KIDINS220: variants seen among roughly 807,000 people sequenced by gnomAD.
The protein encoded by KIDINS220 is kinase D-interacting substrate of 220 kDa.
In KIDINS220, 63 loss-of-function variants were observed where a neutral mutation model predicts 157.6. The observed-to-expected ratio is 0.40, with a 90% CI of 0.33 to 0.49. The LOEUF (loss-of-function observed/expected upper bound fraction) is 0.49, where lower values mean the gene tolerates loss of function less well. KIDINS220 is among the 20% of genes least tolerant of loss of function. KIDINS220 has a pLI of 0.66. For missense variants in KIDINS220, 1,772 were observed against 2,171.2 expected (o/e 0.82, Z 3.65); for synonymous variants, 732 against 783.6 (o/e 0.93, Z 1.10).
chr2:8,812,175 G>C (rs960898425), intron 6 of KIDINS220, among the ~76,000 whole-genome samples: 2 of 152,024 alleles, frequency 1.3e-5, no homozygotes, highest in Middle Eastern at 3.2e-3. Flanking sequence ...AGTTTTCTTG[G>C]GAATGATGAA....
chr2:8,739,944 C>T (rs1665402489), intron 26 of KIDINS220, among the ~76,000 whole-genome samples: 1 of 152,218 alleles, frequency 6.6e-6, no homozygotes, highest in Non-Finnish European at 1.5e-5. Context: ...TAGAACTACA[C>T]TCTGACACAT....
intron 20 of KIDINS220, among the ~76,000 whole-genome samples, chr2:8,778,040 A>G (rs1225720313): frequency 6.6e-6 from 1 of 152,240 alleles, no homozygotes; most frequent in Non-Finnish European, 1.5e-5. Flanking sequence ...TGTGAGTGGC[A>G]CTGTCACAAC....
intron 4 of KIDINS220, among the ~76,000 whole-genome samples, chr2:8,816,523 G>A (rs1267981619): frequency 6.6e-6 from 1 of 152,188 alleles, no homozygotes; most frequent in Non-Finnish European, 1.5e-5. Flanking sequence ...GTACCTATTG[G>A]TATGGTACCT....
chr2:8,746,577 G>C (rs1024518870), intron 26 of KIDINS220: 1 of 151,068 alleles, frequency 6.6e-6, no homozygotes, highest in Non-Finnish European at 1.5e-5. Context: ...TGTTTATCTG[G>C]AAAATTTATT....
intron 26 of KIDINS220, among the ~76,000 whole-genome samples, chr2:8,743,661 A>G (rs1434475232): frequency 6.6e-6 from 1 of 152,216 alleles, no homozygotes; most frequent in Non-Finnish European, 1.5e-5. Flanking sequence ...CCTGCATTCT[A>G]GTTCCAAATC....
chr2:8,772,437 C>T (rs1478684460), intron 21 of KIDINS220, among the ~76,000 whole-genome samples: 7 of 151,970 alleles, frequency 4.6e-5, no homozygotes, highest in Non-Finnish European at 1.0e-4. Context: ...GATCACACCA[C>T]CGCACTCCAG....
At chr2:8,830,585 A>T (rs2148450101) in intron 1 of KIDINS220, among the ~76,000 whole-genome samples, 1 of 152,130 alleles carries the variant, frequency 6.6e-6, no homozygotes, top group East Asian at 1.9e-4. Context: ...TGCCCAGCTA[A>T]TTTTTCTATT....
In KIDINS220 at chr2:8,733,586, G is replaced by C. The variant is rs1285002827; in HGVS notation, c.3911C>G (p.Pro1304Arg). Residue 1304 changes from proline (P) to arginine (R), a missense_variant, in exon 29 of 30, where the codon CCT becomes CGT. Around this residue, in one of 3 missense-constraint regions of KIDINS220, gnomAD observed 793 missense variants for 885.5 expected, o/e 0.90. Coordinates refer to ENST00000256707, the MANE Select transcript of KIDINS220 (RefSeq NM_020738.4). ...SSSGPAPHGE[P>R]ARRASHNELP... ...CTCGTTGTGGGAAGCGCGGCGAGCAGGCTCACCGTGCGGGGCTGGGCCACT... is the reference window on the plus strand; with the variant it reads ...CTCGTTGTGGGAAGCGCGGCGAGCACGCTCACCGTGCGGGGCTGGGCCACT... The C allele has an allele frequency of 6.2e-7, 1 of 1,614,120 alleles. No individual in the cohort carries two copies. Among genetic ancestry groups the C allele is most frequent in the Non-Finnish European group, 8.5e-7 (1 of 1,180,022 alleles).
Position 8,750,314 on chromosome 2 carries a change from T to G in KIDINS220, c.3212A>C (p.Gln1071Pro). 1 of 1,592,482 alleles carries G rather than the reference T, an allele frequency of 6.3e-7. No homozygotes were observed. The highest frequency in any genetic ancestry group is 8.6e-7 in the Non-Finnish European group (1 of 1,166,968). Residue 1071 changes from glutamine (Q) to proline (P), a missense_variant, in exon 24 of 30, where the codon CAG (glutamine) becomes CCG (proline). Around this residue, in one of 3 missense-constraint regions of KIDINS220, gnomAD observed 793 missense variants for 885.5 expected, o/e 0.90. Transcript: ENST00000256707. ...IIADVRAAREQISIGGLAYPP... is the reference protein window; with the variant it reads ...IIADVRAAREPISIGGLAYPP... ...GTACGCCAGTCCTCCAATACTGATC[T>G]GCTCTCTGGCAGCACGAACATCTGA...
At chr2:8,773,098 G>A (rs1670452931) in intron 21 of KIDINS220, among the ~76,000 whole-genome samples, 1 of 152,132 alleles carries the variant, frequency 6.6e-6, no homozygotes, top group African/African-American at 2.4e-5. Flanking sequence ...AGCACTTTTA[G>A]GCAATGAAAC....
At position 8,742,787 on chromosome 2, in the gene KIDINS220, G is replaced by A. The variant is rs758275431; in HGVS notation, c.3585+4358C>T. Among the ~76,000 whole-genome samples, 59 of 152,220 alleles carry A rather than the reference G, an allele frequency of 3.9e-4. 1 individual carries two copies. Among genetic ancestry groups the A allele is most frequent in the South Asian group, 8.3e-4 (4 of 4,824 alleles). Reference sequence around the variant, plus strand: ...CACTGCTGTGTCCCACTAGAATAGCGCCTCTTACACTCAATAAATATTCGT... The same window carrying A: ...CACTGCTGTGTCCCACTAGAATAGCACCTCTTACACTCAATAAATATTCGT... On this transcript the variant is annotated intron_variant, in intron 26 of 29. Transcript: ENST00000256707.
chr2:8,736,754 A>AT (rs1181193621), intron 27 of KIDINS220, 114 bp downstream of exon 27: 2 of 1,161,954 alleles, frequency 1.7e-6, no homozygotes, highest in Non-Finnish European at 2.4e-6. Context: ...GAGCTTTCCC[A>AT]TTTTAACAGG....
rs1399310117 is a variant in KIDINS220, at chr2:8,730,783, C to T, written c.5253G>A (p.Glu1751=). The T allele has an allele frequency of 8.1e-6, 13 of 1,614,216 alleles. No homozygotes were observed. The highest frequency in any genetic ancestry group is 1.1e-5 in the Non-Finnish European group (13 of 1,180,038). ...TCTCAGAAGAGGCTGCTGCATGGAG[C>T]TCCGGAGGATCTTTGGAGAGCCTTG... ...SYTRLSKDPP[E]LHAAASSEST... is the part of the protein sequence containing the mutation. The change falls in exon 30 of 30, where the codon GAG becomes GAA. Residue 1751 remains glutamate, a synonymous_variant. Coordinates refer to ENST00000256707, the MANE Select transcript of KIDINS220 (RefSeq NM_020738.4).
intron 2 of KIDINS220, among the ~76,000 whole-genome samples, chr2:8,824,796 G>A (rs924909170): frequency 2.6e-5 from 4 of 152,154 alleles, no homozygotes; most frequent in Admixed American, 2.6e-4. Context: ...CAGATGAATA[G>A]ACCAAGAAAA....
chr2:8,786,109 T>C, intron 16 of KIDINS220, 79 bp from the exon 17 acceptor site: 1 of 1,560,620 alleles, frequency 6.4e-7, no homozygotes, highest in Non-Finnish European at 8.7e-7. Context: ...CAATACCTGA[T>C]GAGTCTAATG....
chr2:8,773,712 T>C (rs932299920), intron 21 of KIDINS220, among the ~76,000 whole-genome samples: 1 of 152,096 alleles, frequency 6.6e-6, no homozygotes, highest in Non-Finnish European at 1.5e-5. Flanking sequence ...GCTCAGGTGA[T>C]CCACCTGCCT....
intron 15 of KIDINS220, 152 bp from the exon 16 acceptor site, chr2:8,786,509 AATTAGGTAGC>A (rs1672417536): frequency 1.5e-6 from 1 of 679,978 alleles, no homozygotes; most frequent in African/African-American, 1.8e-5. Context: ...AAGAATTTGT[AATTAGGTAGC>A]TTCCACTTCT....
chr2:8,836,285 G>A (rs1487186893), intron 1 of KIDINS220, among the ~76,000 whole-genome samples: 1 of 151,928 alleles, frequency 6.6e-6, no homozygotes, highest in Non-Finnish European at 1.5e-5. Flanking sequence ...CCAGCTGGGC[G>A]AATGGGGCTT....
In KIDINS220 at chr2:8,728,970, C is replaced by G. The variant is rs1558294058; in HGVS notation, c.*1750G>C. 2 of 979,566 alleles carry G rather than the reference C, an allele frequency of 2.0e-6. No individual in the cohort carries two copies. The allele number at this position is 979,566 out of a possible 1,614,324, so 60.7% of individuals were successfully genotyped here. Reference sequence around the variant, plus strand: ...ATTGTTTTCTAAATCTATTTGTACACTTAATATGCTAGTATTAATTTCACA... The same window carrying G: ...ATTGTTTTCTAAATCTATTTGTACAGTTAATATGCTAGTATTAATTTCACA... On this transcript the variant is annotated 3_prime_UTR_variant, in exon 30 of 30. Transcript: ENST00000256707.
Sources: allele counts gnomAD v4.1 joint callset (sites outside exome capture counted in the v4.1 genomes callset), GRCh38; gene constraint gnomAD v4.1.1; regional missense constraint gnomAD v4.1.1; transcripts MANE v1.5; gene names NCBI Gene and HGNC (gene_info 2026-07-23, HGNC 2026-07-21).